KAT5: variants seen among roughly 807,000 people sequenced by gnomAD.
KAT5 encodes the protein lysine acetyltransferase 5.
In KAT5, 31 loss-of-function variants were observed where a neutral mutation model predicts 68.1. That is an observed-to-expected ratio of 0.46 (90% confidence interval 0.34 to 0.61). The LOEUF is 0.61. KAT5 is among the 20% of genes least tolerant of loss of function. The pLI is 0.01. For synonymous variants in KAT5, 365 were observed against 292.6 expected (o/e 1.25, Z -2.52); for missense variants, 451 against 725.5 (o/e 0.62, Z 4.35).
rs548714821 is a variant in KAT5 at position 65,712,519 on chromosome 11, G to C, written c.178+74G>C. On this transcript the variant is annotated intron_variant, in intron 1 of 12. Transcript: ENST00000341318. The stretch of plus-strand genomic sequence containing the variant: ...GGAGTCAACTGAAATCCCGGGATGG[G>C]GAGGGGCGTCTGGAATTATGGGGCG... 5.9e-6 allele frequency: 9 copies of C among 1,516,750 alleles called. No individual in the cohort carries two copies. In the African/African-American group the frequency reaches 1.1e-4, roughly 19 times the overall value. The allele number at this position is 1,516,750 out of a possible 1,614,324, so 94.0% of individuals were successfully genotyped here.
chr11:65,718,901 A>G lies in KAT5; in HGVS notation c.1453A>G (p.Lys485Glu). ...GATTAGTGAAATCACCAGCATCAAG[A>G]AGGAGGATGTCATCTCCACTCTGCA... ...NEISEITSIK[K>E]EDVISTLQYL... Residue 485 changes from lysine to glutamate, a missense_variant, in exon 12 of 13, where the codon AAG (lysine) becomes GAG (glutamate). Transcript: ENST00000341318. 6.2e-7 allele frequency: 1 copy of G among 1,614,200 alleles called. No individual in the cohort carries two copies. The highest frequency in any genetic ancestry group is 8.5e-7 in the Non-Finnish European group (1 of 1,180,046).
At chr11:65,717,910 CACTG>C in intron 10 of KAT5, 1 of 152,570 alleles carries the variant, frequency 6.6e-6, no homozygotes, top group Non-Finnish European at 1.5e-5. Flanking sequence ...AGAATGAAGA[CACTG>C]ACCAAGAGAT....
At chr11:65,712,877 G>T (rs763024278) in intron 2 of KAT5, 43 bp downstream of exon 2, 5 of 1,614,062 alleles carry the variant, frequency 3.1e-6, no homozygotes, top group Non-Finnish European at 4.2e-6. Context: ...TAGGGTTGGG[G>T]GACAGTCTTT....
chr11:65,718,283 T>G lies in KAT5; in HGVS notation c.1265-307T>G, dbSNP rs575319291. On this transcript the variant is annotated intron_variant, in intron 10 of 12. Transcript: ENST00000341318. ...GCAAAGGAAAATTGGAGGCCCCTTC[T>G]TCCCATGAGCCATTTTCTCTGCATC... is the stretch of plus-strand genomic sequence containing the variant. 8.2e-5 allele frequency: 23 copies of G among 280,450 alleles called. No homozygotes were observed. The South Asian group carries it at 1.7e-3, about 21-fold the overall frequency. 17.4% of individuals were successfully genotyped at this position (280,450 alleles called of 1,614,324 possible).
chr11:65,717,742 A>T (rs1238705458), intron 10 of KAT5: 2 of 152,756 alleles, frequency 1.3e-5, no homozygotes, highest in African/African-American at 4.8e-5. Context: ...AGAACTTCTC[A>T]GCCTGGTAGC....
rs547021640 is a variant in KAT5, at chr11:65,713,152, C to T, written c.384+94C>T. 395 of 1,503,392 alleles carry T rather than the reference C, an allele frequency of 2.6e-4. 1 individual carries two copies. The East Asian group carries it at 8.8e-3, about 33-fold the overall frequency. The allele number at this position is 1,503,392 out of a possible 1,614,324, so 93.1% of individuals were successfully genotyped here. On this transcript the variant is annotated intron_variant, in intron 3 of 12. Transcript: ENST00000341318. Reference sequence around the variant, plus strand: ...CTCCTGGATGGGCAGGAGGCGGCTCCCTCTCACCCTGACTTCATCTTGCAA... The same window carrying T: ...CTCCTGGATGGGCAGGAGGCGGCTCTCTCTCACCCTGACTTCATCTTGCAA...
At chr11:65,714,154 C>T in intron 6 of KAT5, 1 of 505,254 alleles carries the variant, frequency 2.0e-6, no homozygotes, top group South Asian at 2.3e-5. Context: ...CAAAAATTAG[C>T]CAGGCGTGGT....
chr11:65,713,215 C>T, intron 3 of KAT5, 133 bp from the exon 4 acceptor site: 1 of 1,301,674 alleles, frequency 7.7e-7, no homozygotes, highest in Non-Finnish European at 1.1e-6. Flanking sequence ...CTCCCAGAGT[C>T]CAGTAGCTAG....
At chr11:65,714,331 C>T (rs1389461114) in intron 6 of KAT5, 164 bp from the exon 7 acceptor site, 5 of 753,864 alleles carry the variant, frequency 6.6e-6, no homozygotes, top group African/African-American at 3.5e-5. Flanking sequence ...TCCACATCAT[C>T]GATCCTTTAG....
intron 10 of KAT5, chr11:65,717,188 G>C: frequency 1.7e-6 from 1 of 597,760 alleles, no homozygotes; most frequent in Non-Finnish European, 3.0e-6. Context: ...CAGCCCCCCA[G>C]TTTGCTCCTT....
chr11:65,712,312 G>A lies in KAT5; in HGVS notation c.45G>A (p.Glu15=). The A allele has an allele frequency of 1.3e-6, 2 of 1,482,386 alleles. No individual in the cohort carries two copies. The highest frequency in any genetic ancestry group is 6.3e-5 in the Admixed American group (2 of 31,580). The allele number at this position is 1,482,386 out of a possible 1,614,324, so 91.8% of individuals were successfully genotyped here. ...CGGTGCCCGGGGCGGGGCGGAGGGA[G>A]CCAGGGGAGGTGGGTAGAGCCCGAG... is the stretch of plus-strand genomic sequence containing the variant. ...VSPVPGAGRR[E]PGEVGRARGP... Residue 15 remains glutamate, a synonymous_variant, in exon 1 of 13, where the codon GAG becomes GAA. Coordinates refer to ENST00000341318, the MANE Select transcript of KAT5 (RefSeq NM_182710.3).
Position 65,714,701 on chromosome 11 carries a change from CCTCAAGTACGGCCGTAGT to C in KAT5, c.905_922del (p.Tyr302_Lys307del). 6.2e-7 allele frequency: 1 copy of C among 1,614,212 alleles called. No homozygotes were observed. Among genetic ancestry groups the C allele is most frequent in the Non-Finnish European group, 8.5e-7 (1 of 1,180,042 alleles). The stretch of plus-strand genomic sequence containing the variant: ...CTGTCCTCTACCTGTGCGAGTTCTG[CCTCAAGTACGGCCGTAGT>C]CTCAAGTGTCTTCAGCGTCATTTGG... On this transcript the variant is annotated inframe_deletion, in exon 7 of 13. Transcript: ENST00000341318.
chr11:65,712,660 A>G, intron 1 of KAT5, 106 bp from the exon 2 acceptor site: 3 of 1,395,570 alleles, frequency 2.1e-6, no homozygotes, highest in Non-Finnish European at 3.0e-6. Context: ...GAGAGACCTA[A>G]GTGCTGGAGC....
intron 1 of KAT5, 82 bp from the exon 2 acceptor site, chr11:65,712,684 C>T: frequency 6.6e-7 from 1 of 1,518,282 alleles, no homozygotes; most frequent in Non-Finnish European, 9.1e-7. Flanking sequence ...GGGATCCGGC[C>T]TGGGGGTGGA....
chr11:65,714,979 A>G, intron 8 of KAT5, 69 bp downstream of exon 8: 4 of 1,370,200 alleles, frequency 2.9e-6, no homozygotes, highest in Non-Finnish European at 4.1e-6. Context: ...TCAGGTAAAC[A>G]CTGACCAGTC....
In KAT5 at chr11:65,719,033, TCTC is replaced by T. The variant is rs1276834194; in HGVS notation, c.1507-10_1507-8del. 1.2e-6 allele frequency: 2 copies of T among 1,613,880 alleles called. No homozygotes were observed. The highest frequency in any genetic ancestry group is 1.3e-5 in the African/African-American group (1 of 74,896). On this transcript the variant is annotated splice_polypyrimidine_tract_variant and intron_variant, in intron 12 of 12. Coordinates refer to ENST00000341318, the MANE Select transcript of KAT5 (RefSeq NM_182710.3). ...GTGGGCTGACCACCTGCTGAACCCA[TCTC>T]CTCTGCCCAGGGCCAGTACATCCTC...
At chr11:65,716,512 G>A in intron 8 of KAT5, 155 bp from the exon 9 acceptor site, 2 of 679,840 alleles carry the variant, frequency 2.9e-6, no homozygotes, top group Non-Finnish European at 5.1e-6. Flanking sequence ...CTAAGCTGCG[G>A]GCTGGTGGAG....
At chr11:65,713,728 C>G (rs1166902676) in intron 5 of KAT5, 46 bp from the exon 6 acceptor site, 11 of 1,613,470 alleles carry the variant, frequency 6.8e-6, no homozygotes, top group Non-Finnish European at 9.3e-6. Context: ...TGGCTTTTTT[C>G]AGGCTCATTT....
intron 10 of KAT5, chr11:65,717,938 G>A (rs1857257051): frequency 6.5e-6 from 1 of 153,338 alleles, no homozygotes; most frequent in South Asian, 2.1e-4. Context: ...AAGCCACTCA[G>A]GGCTGTGCAG....
Sources: allele counts gnomAD v4.1 joint callset, GRCh38; gene constraint gnomAD v4.1.1; transcripts MANE v1.5; gene names NCBI Gene and HGNC (gene_info 2026-07-23, HGNC 2026-07-21).